SFI1: variants seen among roughly 807,000 people sequenced by gnomAD.
SFI1 encodes the protein protein SFI1 homolog.
Under a neutral mutation model 207.5 loss-of-function variants are expected in SFI1, and 195 were observed. The observed-to-expected ratio is 0.94, with a 90% CI of 0.84 to 1.06. SFI1 has a LOEUF of 1.06. SFI1 is among the 50% of genes least tolerant of loss of function. The probability of loss-of-function intolerance (pLI) is 0.00; values close to 1 mark genes in which losing one functional copy is unlikely to be tolerated. For missense variants in SFI1, 1,634 were observed against 1,588.0 expected (o/e 1.03, Z -0.49); for synonymous variants, 630 against 598.9 (o/e 1.05, Z -0.76).
chr22:31,598,716 C>CTTTTTTTTTTTTT (rs71184513), intron 15 of SFI1, among the ~76,000 whole-genome samples: 2,284 of 26,858 alleles, frequency 0.085, 856 homozygotes, highest in East Asian at 0.28. Context: ...TGCGCCTGGC[C>CTTTTTTTTTTTTT]TTTTTTTTTT....
intron 15 of SFI1, among the ~76,000 whole-genome samples, chr22:31,591,554 G>A (rs1397491816): frequency 2.1e-5 from 3 of 145,206 alleles, no homozygotes; most frequent in Non-Finnish European, 4.6e-5. Context: ...CCGGGCAGAG[G>A]CGCCCCTCAC....
intron 1 of SFI1, among the ~76,000 whole-genome samples, chr22:31,497,963 C>T (rs1419220151): frequency 2.0e-5 from 3 of 152,142 alleles, no homozygotes; most frequent in Non-Finnish European, 4.4e-5. Flanking sequence ...GCCCATGGTT[C>T]AAGGAGTAAT....
Position 31,613,501 on chromosome 22 carries a change from C to T in SFI1, c.2713C>T (p.Gln905Ter). ...RFAASMKASR[Q>*]QLQAQQQVQA... ...TGCAGCCAGCATGAAGGCCTCCCGG[C>T]AGCAGCTGCAGGCCCAGCAGCAGGT... Residue 905 changes from glutamine (Q) to a stop codon, truncating the protein, a stop_gained, in exon 26 of 33, where the codon CAG becomes TAG. Coordinates refer to ENST00000400288, the MANE Select transcript of SFI1 (RefSeq NM_001007467.3). LOFTEE classifies it high-confidence loss of function. The T allele has an allele frequency of 6.3e-7, 1 of 1,592,654 alleles. No individual in the cohort carries two copies. Among genetic ancestry groups the T allele is most frequent in the Admixed American group, 1.7e-5 (1 of 58,814 alleles).
rs909481339 is a variant in SFI1 at position 31,615,178 on chromosome 22, G to A, written c.3199G>A (p.Ala1067Thr). 3.9e-5 allele frequency: 62 copies of A among 1,598,786 alleles called. No individual in the cohort carries two copies. Among genetic ancestry groups the A allele is most frequent in the Non-Finnish European group, 4.6e-5 (54 of 1,174,276 alleles). Residue 1067 changes from alanine to threonine, a missense_variant, in exon 29 of 33, where the codon GCC (alanine) becomes ACC (threonine). Transcript: ENST00000400288. ...HSPLPGALSS[A>T]PGPKQPPTAS... ...CCCCCTGCCTGGGGCCCTGTCAAGC[G>A]CCCCTGGCCCGAAGCAGCCCCCGAC...
chr22:31,573,219 G>A lies in SFI1; in HGVS notation c.922+5G>A, dbSNP rs763422153. On this transcript the variant is annotated splice_donor_5th_base_variant and intron_variant, in intron 9 of 32. Coordinates refer to ENST00000400288, the MANE Select transcript of SFI1 (RefSeq NM_001007467.3). ...GAGTGAAGAGACAGCAGAATGGTGA[G>A]TAGGAAGCTCCAGGCTCTCGAGATA... 3 of 1,613,432 alleles carry A rather than the reference G, an allele frequency of 1.9e-6. No homozygotes were observed.
chr22:31,545,877 CTTTTTTTTT>C (rs770151262), intron 4 of SFI1, among the ~76,000 whole-genome samples: 3 of 99,498 alleles, frequency 3.0e-5, no homozygotes, highest in African/African-American at 1.2e-4. Flanking sequence ...CCGTGTCCAG[CTTTTTTTTT>C]TTTTTTTTTT....
chr22:31,585,067 GA>G lies in SFI1; in HGVS notation c.1348del (p.Ile450Ter). On this transcript the variant is annotated frameshift_variant and splice_region_variant, in exon 14 of 33. Transcript: ENST00000400288. LOFTEE classifies it high-confidence loss of function. ...TGAAGGTGTTCTTCCTTTTGTTTCA[GA>G]ATAGCACTGCTGTGCAAATGTATCG... ...PLLHAAWDHY[R>X]IALLCKCIEL... 6.2e-7 allele frequency: 1 copy of G among 1,613,338 alleles called. No homozygotes were observed. Among genetic ancestry groups the G allele is most frequent in the South Asian group, 1.1e-5 (1 of 90,888 alleles).
At chr22:31,505,253 A>G (rs2146514091) in intron 1 of SFI1, among the ~76,000 whole-genome samples, 1 of 152,166 alleles carries the variant, frequency 6.6e-6, no homozygotes, top group East Asian at 1.9e-4. Context: ...AGCCTGGCCA[A>G]CATGGGGAAA....
chr22:31,527,597 A>G (rs1243212870), intron 2 of SFI1, among the ~76,000 whole-genome samples: 1 of 152,098 alleles, frequency 6.6e-6, no homozygotes, highest in African/African-American at 2.4e-5. Context: ...AATTTTTTAA[A>G]AAGTATATTA....
At position 31,513,596 on chromosome 22, in the gene SFI1, TAGAC is replaced by T. The variant is rs1271768006; in HGVS notation, c.92+5224_92+5227del. On this transcript the variant is annotated intron_variant, in intron 2 of 32. Transcript: ENST00000400288. Reference sequence around the variant, plus strand: ...TGTTTTGTTTTGTTTTGTTTTATTTTAGACAGAGTCTTGCTCTGTCGCCCAGGCT... The same window carrying T: ...TGTTTTGTTTTGTTTTGTTTTATTTTAGAGTCTTGCTCTGTCGCCCAGGCT... Among the ~76,000 whole-genome samples, 175 of 149,442 alleles carry T rather than the reference TAGAC, an allele frequency of 1.2e-3. 1 individual carries two copies. The highest frequency in any genetic ancestry group is 4.2e-3 in the African/African-American group (170 of 40,782).
rs751135827 is a variant in SFI1 at position 31,589,586 on chromosome 22, C to A, written c.1544+9C>A. 8.0e-5 allele frequency: 128 copies of A among 1,609,414 alleles called. No homozygotes were observed. Among genetic ancestry groups the A allele is most frequent in the Non-Finnish European group, 9.8e-5 (115 of 1,178,538 alleles). ...GCAACACGTTTCCACAGGTATGTTGCGCAGCTCCTGTCTGCACTGGGGCAG... is the reference window on the plus strand; with the variant it reads ...GCAACACGTTTCCACAGGTATGTTGAGCAGCTCCTGTCTGCACTGGGGCAG... On this transcript the variant is annotated intron_variant, in intron 15 of 32. Transcript: ENST00000400288.
At chr22:31,496,954 G>A (rs1229535431) in intron 1 of SFI1, among the ~76,000 whole-genome samples, 4 of 152,220 alleles carry the variant, frequency 2.6e-5, no homozygotes, top group Non-Finnish European at 2.9e-5. Context: ...CGGTGCTCGA[G>A]TCCACGCAAT....
At chr22:31,603,965 A>C (rs747219529) in intron 18 of SFI1, 146 bp downstream of exon 18, 24 of 821,868 alleles carry the variant, frequency 2.9e-5, no homozygotes, top group Non-Finnish European at 4.4e-5. Flanking sequence ...GTGTTAACTC[A>C]GTTTTATGAG....
chr22:31,529,043 T>C (rs758476539), intron 3 of SFI1, 180 bp downstream of exon 3: 3 of 536,214 alleles, frequency 5.6e-6, no homozygotes, highest in Non-Finnish European at 9.6e-6. Context: ...ATAAAATCTG[T>C]CATTGAGTGT....
Position 31,616,814 on chromosome 22 carries a change from C to T in SFI1, c.3370C>T (p.Pro1124Ser). Residue 1124 changes from proline to serine, a missense_variant, in exon 30 of 33, where the codon CCC (proline) becomes TCC (serine). By Grantham distance (74) the Pro-to-Ser change is moderately conservative (BLOSUM62 -1). Coordinates refer to ENST00000400288, the MANE Select transcript of SFI1 (RefSeq NM_001007467.3). ...CTCATCCCTGGCCAGTGTCCCTGAC[C>T]CCCATCTACTCCTTCCTGGGGACTT... The part of the protein sequence containing the change: ...VPSSLASVPD[P>S]HLLLPGDFSA... The T allele has an allele frequency of 2.5e-6, 4 of 1,612,566 alleles. No homozygotes were observed. Among genetic ancestry groups the T allele is most frequent in the Non-Finnish European group, 3.4e-6 (4 of 1,179,232 alleles).
intron 2 of SFI1, among the ~76,000 whole-genome samples, chr22:31,512,566 G>C (rs1435318690): frequency 6.6e-6 from 1 of 151,608 alleles, no homozygotes; most frequent in Non-Finnish European, 1.5e-5. Flanking sequence ...GCCCAGGCTG[G>C]AGTTGCAATG....
chr22:31,562,020 A>C (rs992252965), intron 8 of SFI1, among the ~76,000 whole-genome samples: 2 of 152,214 alleles, frequency 1.3e-5, no homozygotes, highest in Admixed American at 6.6e-5. Context: ...GTATCTTCTT[A>C]TTCTAACAAC....
At chr22:31,499,142 G>A (rs1243405042) in intron 1 of SFI1, among the ~76,000 whole-genome samples, 2 of 151,964 alleles carry the variant, frequency 1.3e-5, no homozygotes, top group African/African-American at 4.8e-5. Context: ...TGCCTCCTCA[G>A]TACCTGGGTG....
chr22:31,611,695 A>G, intron 23 of SFI1, 71 bp from the exon 24 acceptor site: 2 of 1,441,836 alleles, frequency 1.4e-6, no homozygotes, highest in Middle Eastern at 2.1e-4. Context: ...AGGCTGGGTT[A>G]GATCAGGACC....
Sources: allele counts gnomAD v4.1 joint callset (sites outside exome capture counted in the v4.1 genomes callset), GRCh38; gene constraint gnomAD v4.1.1; transcripts MANE v1.5; gene names NCBI Gene and HGNC (gene_info 2026-07-23, HGNC 2026-07-21).